LCOR: variants seen among roughly 807,000 people sequenced by gnomAD.
The protein encoded by LCOR is ligand dependent nuclear receptor corepressor, also known as ligand-dependent corepressor.
In LCOR, 14 loss-of-function variants were observed where a neutral mutation model predicts 64.4. That is an observed-to-expected ratio of 0.22 (90% CI 0.14 to 0.34). The LOEUF is 0.34. Among genes scored for constraint, LCOR ranks in the 10% least tolerant of loss-of-function variants. LCOR has a pLI of 1.00. For missense variants in LCOR, 1,686 were observed against 1,765.3 expected (o/e 0.96, Z 0.80); for synonymous variants, 643 against 642.5 (o/e 1.00, Z -0.01).
chr10:96,866,143 A>G (rs541901523), intron 2 of LCOR, among the ~76,000 whole-genome samples: 12 of 152,282 alleles, frequency 7.9e-5, no homozygotes, highest in South Asian at 2.1e-4. Context: ...TGAAATATTC[A>G]TATAGCATAT....
At chr10:96,980,648 A>G in intron 7 of LCOR, 145 bp from the exon 8 acceptor site, 1 of 566,640 alleles carries the variant, frequency 1.8e-6, no homozygotes. Context: ...GGAGTTCGAG[A>G]TCAGCCTGGC....
At chr10:96,929,697 T>G (rs1297301842) in intron 4 of LCOR, among the ~76,000 whole-genome samples, 1 of 152,248 alleles carries the variant, frequency 6.6e-6, no homozygotes, top group Admixed American at 6.5e-5. Context: ...TAGAGACCTA[T>G]GTTTTGACCT....
At chr10:96,862,736 C>G (rs756023329) in intron 2 of LCOR, among the ~76,000 whole-genome samples, 1 of 152,166 alleles carries the variant, frequency 6.6e-6, no homozygotes, top group Non-Finnish European at 1.5e-5. Context: ...TGCCAGCCCC[C>G]GTCAACTCAT....
At chr10:96,931,859 A>G (rs1443797700) in intron 4 of LCOR, among the ~76,000 whole-genome samples, 1 of 152,226 alleles carries the variant, frequency 6.6e-6, no homozygotes, top group Non-Finnish European at 1.5e-5. Flanking sequence ...TAAACTTTGA[A>G]ATCCATTAAA....
chr10:96,913,903 A>G lies in LCOR; in HGVS notation c.-184+6156A>G, dbSNP rs78799164. Among the ~76,000 whole-genome samples the G allele has an allele frequency of 2.7e-4, 35 of 131,782 alleles. No individual in the cohort carries two copies. The East Asian group carries it at 6.0e-3, about 22-fold the overall frequency. 86.5% of individuals were successfully genotyped at this position (131,782 alleles called of 152,430 possible). A position where few individuals can be genotyped will look rare whatever the true frequency, so the allele number is the denominator to read the frequency against. ...TGGGCGACACACACAGACTGTCTGG[A>G]AAAAAAAAAAAAAGAAGTTAGAACT... On this transcript the variant is annotated intron_variant, in intron 4 of 7. Transcript: ENST00000421806.
intron 5 of LCOR, among the ~76,000 whole-genome samples, chr10:96,946,192 TTTAAA>T (rs1434785894): frequency 2.0e-5 from 3 of 152,062 alleles, no homozygotes; most frequent in African/African-American, 4.8e-5. Flanking sequence ...ATTAGTACTC[TTTAAA>T]TTAATACCAA....
intron 7 of LCOR, chr10:96,956,133 C>T: frequency 2.9e-6 from 4 of 1,369,928 alleles, no homozygotes; most frequent in Non-Finnish European, 3.8e-6. Context: ...ATATGTTTGG[C>T]CTTTTGCATG....
At chr10:96,891,217 G>C (rs1233342592) in intron 2 of LCOR, among the ~76,000 whole-genome samples, 3 of 151,866 alleles carry the variant, frequency 2.0e-5, no homozygotes, top group East Asian at 3.8e-4. Flanking sequence ...GGTCTTTTCA[G>C]TTTTTTAGTT....
chr10:96,839,207 G>A (rs1264906969), intron 2 of LCOR, among the ~76,000 whole-genome samples: 1 of 152,056 alleles, frequency 6.6e-6, no homozygotes, highest in Admixed American at 6.6e-5. Flanking sequence ...TTTTAAAATT[G>A]GGTTATTATT....
At chr10:96,832,578 T>TC (rs1306451232) in intron 1 of LCOR, among the ~76,000 whole-genome samples, 179 bp downstream of exon 1, 1 of 105,336 alleles carries the variant, frequency 9.5e-6, no homozygotes, top group Non-Finnish European at 1.8e-5. Context: ...CCAGGCGGGC[T>TC]CCCCTGCTCG....
At chr10:96,967,161 T>C (rs1589688308) in intron 7 of LCOR, among the ~76,000 whole-genome samples, 1 of 152,192 alleles carries the variant, frequency 6.6e-6, no homozygotes, top group East Asian at 1.9e-4. Context: ...ATAGAATCTG[T>C]CCCTGTCTCC....
At chr10:96,894,062 A>G (rs1043339836) in intron 2 of LCOR, among the ~76,000 whole-genome samples, 3 of 152,186 alleles carry the variant, frequency 2.0e-5, no homozygotes, top group African/African-American at 2.4e-5. Flanking sequence ...AAGACCACGT[A>G]GGATCAAGAC....
At position 96,940,224 on chromosome 10, in the gene LCOR, C is replaced by T. The variant is rs189541610; in HGVS notation, c.-183-3889C>T. ...GTAGCTGCTTTGGAAAATGGTTCAGCTTTCCTCAAAATAGTTAACGTGATA... is the reference window on the plus strand; with the variant it reads ...GTAGCTGCTTTGGAAAATGGTTCAGTTTTCCTCAAAATAGTTAACGTGATA... On this transcript the variant is annotated intron_variant, in intron 4 of 7. Coordinates refer to ENST00000421806, the MANE Select transcript of LCOR (RefSeq NM_001346516.2). 2.0e-5 allele frequency among the ~76,000 whole-genome samples: 3 copies of T among 149,700 alleles called. No homozygotes were observed. In the Admixed American group the frequency reaches 2.0e-4, roughly 10 times the overall value.
rs1845350583 is a variant in LCOR at position 96,832,412 on chromosome 10, G to A, written c.-404+13G>A. 1.0e-6 allele frequency: 1 copy of A among 960,814 alleles called. No individual in the cohort carries two copies. Among genetic ancestry groups the A allele is most frequent in the Non-Finnish European group, 1.2e-6 (1 of 807,276 alleles). 59.5% of individuals were successfully genotyped at this position (960,814 alleles called of 1,614,324 possible). A position where few individuals can be genotyped will look rare whatever the true frequency, so the allele number is the denominator to read the frequency against. ...ATTCACTGTGTAGGTGAGACCCTCC[G>A]CCGACCGCCGCCGCCCCTCCGGCCG... On this transcript the variant is annotated intron_variant, in intron 1 of 7. Transcript: ENST00000421806.
chr10:96,855,244 A>G (rs1025702922), intron 2 of LCOR, among the ~76,000 whole-genome samples: 8 of 152,134 alleles, frequency 5.3e-5, no homozygotes. Flanking sequence ...GTGATGCTAT[A>G]TGCATTTGTG....
At chr10:96,975,288 G>T (rs1848028620) in intron 7 of LCOR, among the ~76,000 whole-genome samples, 1 of 152,178 alleles carries the variant, frequency 6.6e-6, no homozygotes, top group African/African-American at 2.4e-5. Context: ...ATATTGTAAA[G>T]TTAGCTGTTA....
intron 5 of LCOR, among the ~76,000 whole-genome samples, 160 bp from the exon 6 acceptor site, chr10:96,948,848 T>C (rs1211510012): frequency 1.3e-5 from 2 of 152,076 alleles, no homozygotes; most frequent in East Asian, 3.8e-4. Context: ...TTTTTAAAAA[T>C]AGACAACTCA....
At chr10:96,916,581 T>C (rs1276652577) in intron 4 of LCOR, among the ~76,000 whole-genome samples, 1 of 138,138 alleles carries the variant, frequency 7.2e-6, no homozygotes, top group African/African-American at 2.9e-5. Context: ...ATGAGATATT[T>C]AAAGGCTATA....
chr10:96,982,063 G>T lies in LCOR; in HGVS notation c.1603G>T (p.Ala535Ser), dbSNP rs1309190463. ...GGAAAAAGCAAGCTGCTCAGCATTGGCATCAGAGGCAGTTTTCACTCCTAA... is the reference window on the plus strand; with the variant it reads ...GGAAAAAGCAAGCTGCTCAGCATTGTCATCAGAGGCAGTTTTCACTCCTAA... ...SQEKASCSAL[A>S]SEAVFTPKQT... Residue 535 changes from alanine (A) to serine (S), a missense_variant, in exon 8 of 8, where the codon GCA (alanine) becomes TCA (serine). By Grantham distance (99) the Ala-to-Ser change is moderately conservative. Transcript: ENST00000421806. 3 of 1,614,120 alleles carry T rather than the reference G, an allele frequency of 1.9e-6. No homozygotes were observed. The South Asian group carries it at 3.3e-5, about 18-fold the overall frequency.
Sources: allele counts gnomAD v4.1 joint callset (sites outside exome capture counted in the v4.1 genomes callset), GRCh38; gene constraint gnomAD v4.1.1; transcripts MANE v1.5; gene names NCBI Gene and HGNC (gene_info 2026-07-23, HGNC 2026-07-21).